The following GRIP1 variants were observed in gnomAD, a reference collection of about 807,000 sequenced individuals.
The protein encoded by GRIP1 is glutamate receptor-interacting protein 1.
GRIP1 carries 45 observed loss-of-function variants against 129.9 expected under a neutral mutation model. The observed-to-expected ratio is 0.35, with a 90% confidence interval of 0.27 to 0.44. The LOEUF is 0.44. GRIP1 is among the 20% of genes least tolerant of loss of function. The pLI is 1.00. For synonymous variants in GRIP1, 530 were observed against 520.8 expected, an observed-to-expected ratio of 1.02 and a Z score of -0.24; for missense variants, 1,196 against 1,396.8, an observed-to-expected ratio of 0.86 and a Z score of 2.29.
intron 7 of GRIP1, among the ~76,000 whole-genome samples, chr12:66,489,771 C>T (rs1024833146): frequency 6.6e-6 from 1 of 152,198 alleles, no homozygotes; most frequent in Admixed American, 6.5e-5. Context: ...AGCAAAGTCT[C>T]AGGATACAAA....
chr12:66,797,821 C>T (rs995257000), intron 1 of GRIP1, among the ~76,000 whole-genome samples: 2 of 152,096 alleles, frequency 1.3e-5, no homozygotes, highest in Non-Finnish European at 2.9e-5. Flanking sequence ...GGGCTTGATT[C>T]CCTCCCAGTC....
intron 1 of GRIP1, among the ~76,000 whole-genome samples, chr12:66,885,529 C>G (rs117441487): frequency 6.6e-6 from 1 of 152,170 alleles, no homozygotes; most frequent in Non-Finnish European, 1.5e-5. Context: ...AAAAAGCCAA[C>G]GTGATGGTGA....
chr12:66,834,937 G>A lies in GRIP1; in HGVS notation c.58+234113C>T, dbSNP rs113270549. 7.6e-3 allele frequency among the ~76,000 whole-genome samples: 450 copies of A among 59,444 alleles called. 6 individuals are homozygous for A. In the East Asian group the frequency reaches 0.098, roughly 13 times the overall value. The allele number at this position is 59,444 out of a possible 152,430, so 39.0% of individuals were successfully genotyped here. On this transcript the variant is annotated intron_variant, in intron 1 of 1. Coordinates refer to the GRIP1 transcript ENST00000643019. ...AAGACTCGTCTCTTTAAAAAAAAAA[G>A]GGGGGGGGGCAGGAGTAGGGGAGGA...
At chr12:66,489,164 A>G (rs554180198) in intron 7 of GRIP1, among the ~76,000 whole-genome samples, 1 of 152,282 alleles carries the variant, frequency 6.6e-6, no homozygotes, top group African/African-American at 2.4e-5. Context: ...CAGGGATACA[A>G]CAAGAAAAGA....
chr12:67,065,801 A>G (rs1158585507), intron 1 of GRIP1, among the ~76,000 whole-genome samples: 2 of 152,354 alleles, frequency 1.3e-5, no homozygotes, highest in Non-Finnish European at 2.9e-5. Context: ...AATTTTCTCA[A>G]CAACTATTTT....
At chr12:66,881,973 A>G (rs1045966834) in intron 1 of GRIP1, among the ~76,000 whole-genome samples, 3 of 152,094 alleles carry the variant, frequency 2.0e-5, no homozygotes, top group Non-Finnish European at 4.4e-5. Flanking sequence ...GGTGGCATCT[A>G]ATTCCTATTT....
intron 1 of GRIP1, among the ~76,000 whole-genome samples, chr12:67,048,669 T>C (rs1227448060): frequency 1.3e-5 from 2 of 152,118 alleles, no homozygotes; most frequent in Non-Finnish European, 2.9e-5. Context: ...ATAATTCCCA[T>C]GTGTCATGGG....
chr12:66,828,794 G>A (rs2039463733), intron 1 of GRIP1, among the ~76,000 whole-genome samples: 1 of 152,104 alleles, frequency 6.6e-6, no homozygotes, highest in African/African-American at 2.4e-5. Context: ...TTTCAAGTGT[G>A]TTTTATCTTT....
chr12:66,755,249 T>C (rs1479540895), intron 1 of GRIP1, among the ~76,000 whole-genome samples: 2 of 152,142 alleles, frequency 1.3e-5, no homozygotes, highest in Non-Finnish European at 2.9e-5. Flanking sequence ...TTTTTAGAAA[T>C]GTGAAATCTC....
At chr12:66,527,722 G>T (rs567870391) in intron 5 of GRIP1, among the ~76,000 whole-genome samples, 1 of 152,078 alleles carries the variant, frequency 6.6e-6, no homozygotes, top group African/African-American at 2.4e-5. Context: ...ACCAAATACT[G>T]CATGTTCTCA....
chr12:66,407,634 G>A (rs577513012), intron 15 of GRIP1, among the ~76,000 whole-genome samples: 6 of 152,272 alleles, frequency 3.9e-5, no homozygotes, highest in South Asian at 4.1e-4. Context: ...TGATATCCAC[G>A]GAGGGAACAT....
chr12:66,484,209 T>G (rs1038867187), intron 7 of GRIP1, among the ~76,000 whole-genome samples: 1 of 152,184 alleles, frequency 6.6e-6, no homozygotes, highest in Non-Finnish European at 1.5e-5. Context: ...CTGTTTTCCT[T>G]TTTAGAAATA....
chr12:66,645,554 C>T (rs1031807772), intron 1 of GRIP1, among the ~76,000 whole-genome samples: 2 of 152,146 alleles, frequency 1.3e-5, no homozygotes, highest in African/African-American at 4.8e-5. Flanking sequence ...GATTCCAAAG[C>T]CAGAGCTTTG....
At chr12:66,841,268 T>C (rs1027500281) in intron 1 of GRIP1, among the ~76,000 whole-genome samples, 1 of 152,194 alleles carries the variant, frequency 6.6e-6, no homozygotes, top group Non-Finnish European at 1.5e-5. Flanking sequence ...TCTCTTTTCT[T>C]GTGCCTCTGT....
At chr12:66,646,683 T>C (rs1277691144) in intron 1 of GRIP1, among the ~76,000 whole-genome samples, 2 of 152,212 alleles carry the variant, frequency 1.3e-5, no homozygotes, top group Non-Finnish European at 2.9e-5. Flanking sequence ...CAGTCCTCCA[T>C]TATCACATTC....
chr12:66,802,233 T>G (rs2038879000), intron 1 of GRIP1, among the ~76,000 whole-genome samples: 1 of 152,120 alleles, frequency 6.6e-6, no homozygotes, highest in African/African-American at 2.4e-5. Flanking sequence ...TGTAGTAGTT[T>G]CAAGTTGGGG....
chr12:66,479,365 C>G (rs1280706330), intron 7 of GRIP1, among the ~76,000 whole-genome samples: 2 of 152,064 alleles, frequency 1.3e-5, no homozygotes, highest in Admixed American at 6.6e-5. Context: ...CAAGACTAAA[C>G]CAGGAAGAAG....
chr12:66,697,628 C>G lies in GRIP1; in HGVS notation c.-419-67292G>C, dbSNP rs151258323. On this transcript the variant is annotated intron_variant, in intron 1 of 4. Transcript: ENST00000538373. ...ATACTTTTGGTTTTGTGGTGAAGGG[C>G]TGAGAAGCGTGCTAACTGGCTGCAC... Among the ~76,000 whole-genome samples, 529 of 152,256 alleles carry G rather than the reference C, an allele frequency of 3.5e-3. 2 individuals are homozygous for G. The highest frequency in any genetic ancestry group is 6.1e-3 in the Non-Finnish European group (418 of 68,014).
intron 1 of GRIP1, among the ~76,000 whole-genome samples, chr12:66,718,861 A>G (rs1233760679): frequency 1.3e-5 from 2 of 152,048 alleles, no homozygotes; most frequent in Non-Finnish European, 2.9e-5. Flanking sequence ...TCAAAAAATA[A>G]AATAAAATAA....
Sources: gnomAD v4.1 joint callset for allele counts (sites outside exome capture counted in the v4.1 genomes callset) on GRCh38, gnomAD v4.1.1 for gene constraint, MANE v1.5 for transcripts, NCBI Gene and HGNC (gene_info 2026-07-23, HGNC 2026-07-21) for gene names.